Variants in PTK7 observed in about 807,000 individuals in gnomAD.
PTK7 encodes protein tyrosine kinase 7 (inactive), also known as inactive tyrosine-protein kinase 7.
PTK7 carries 39 observed loss-of-function variants against 116.6 expected under a neutral mutation model. The ratio of observed to expected loss-of-function variants is 0.33; its 90% CI spans 0.26 to 0.44. The LOEUF (loss-of-function observed/expected upper bound fraction) is 0.44, where lower values mean the gene tolerates loss of function less well. PTK7 is among the 20% of genes least tolerant of loss of function. The probability of loss-of-function intolerance (pLI) is 1.00; values close to 1 mark genes in which losing one functional copy is unlikely to be tolerated. For synonymous variants in PTK7, 546 were observed against 563.6 expected, an observed-to-expected ratio of 0.97 and a Z score of 0.44; for missense variants, 1,169 against 1,425.6, an observed-to-expected ratio of 0.82 and a Z score of 2.90.
intron 1 of PTK7, among the ~76,000 whole-genome samples, chr6:43,099,466 C>T (rs1159204297): frequency 6.6e-6 from 1 of 151,666 alleles, no homozygotes; most frequent in Non-Finnish European, 1.5e-5. Context: ...AACTCCTGAA[C>T]TCCAGCAGTC....
At chr6:43,121,093 C>T (rs942013605) in intron 1 of PTK7, among the ~76,000 whole-genome samples, 22 of 138,966 alleles carry the variant, frequency 1.6e-4, no homozygotes, top group Non-Finnish European at 3.0e-4. Flanking sequence ...GTTGCTCAGG[C>T]GGAACTCCTG....
At chr6:43,099,691 G>A (rs1767458588) in intron 1 of PTK7, among the ~76,000 whole-genome samples, 3 of 152,132 alleles carry the variant, frequency 2.0e-5, no homozygotes, top group Non-Finnish European at 2.9e-5. Flanking sequence ...ATTGTGATAG[G>A]AAAATATTTT....
intron 1 of PTK7, among the ~76,000 whole-genome samples, chr6:43,104,155 A>T (rs1767733914): frequency 6.6e-6 from 1 of 152,178 alleles, no homozygotes; most frequent in African/African-American, 2.4e-5. Context: ...ATCAGATCTT[A>T]TATTTCTGAT....
chr6:43,106,310 T>C (rs1202876291), intron 1 of PTK7, among the ~76,000 whole-genome samples: 2 of 152,166 alleles, frequency 1.3e-5, no homozygotes, highest in Non-Finnish European at 2.9e-5. Flanking sequence ...TTTTTGTTTT[T>C]GTTTGTTTGT....
intron 1 of PTK7, among the ~76,000 whole-genome samples, chr6:43,096,854 G>A (rs1767288774): frequency 7.3e-6 from 1 of 137,252 alleles, no homozygotes; most frequent in South Asian, 2.4e-4. Flanking sequence ...TGAATCATTT[G>A]CATTCATTAA....
At position 43,145,202 on chromosome 6, in the gene PTK7, A is replaced by G; in HGVS notation, c.2410A>G (p.Lys804Glu). The change falls in exon 16 of 20, where the codon AAG becomes GAG. Residue 804 changes from lysine (K) to glutamate (E), a missense_variant and splice_region_variant. By Grantham distance (56) the Lys-to-Glu change is moderately conservative (BLOSUM62 1). Coordinates refer to ENST00000230419, the MANE Select transcript of PTK7 (RefSeq NM_002821.5). This position sits in a 1 kb window ranked among gnomAD's most constrained non-coding sequence, Gnocchi z 4.8. ...GCTGACTCAGACTGTACCCACAGGG[A>G]AGAGTGAGTTTGGGGAGGTGTTCCT... is the stretch of plus-strand genomic sequence containing the variant. ...SSLQPITTLGKSEFGEVFLAK... is the reference protein window; with the variant it reads ...SSLQPITTLGESEFGEVFLAK... 1 of 1,604,990 alleles carries G rather than the reference A, an allele frequency of 6.2e-7. No homozygotes were observed. Among genetic ancestry groups the G allele is most frequent in the Non-Finnish European group, 8.5e-7 (1 of 1,175,054 alleles).
At chr6:43,120,635 G>C (rs572750423) in intron 1 of PTK7, among the ~76,000 whole-genome samples, 4 of 152,216 alleles carry the variant, frequency 2.6e-5, no homozygotes, top group Non-Finnish European at 4.4e-5. Context: ...GATGGTGAGT[G>C]GGGGAGATTC....
At chr6:43,095,311 G>A (rs937079268) in intron 1 of PTK7, among the ~76,000 whole-genome samples, 4 of 152,138 alleles carry the variant, frequency 2.6e-5, no homozygotes, top group South Asian at 2.1e-4. Context: ...GGCGGAGGTT[G>A]CAGTGAGCCA....
intron 1 of PTK7, among the ~76,000 whole-genome samples, chr6:43,102,549 AC>A (rs1310001123): frequency 1.3e-5 from 2 of 151,896 alleles, no homozygotes; most frequent in Non-Finnish European, 2.9e-5. Flanking sequence ...AGATCCTACC[AC>A]TGCATTCCAG....
intron 17 of PTK7, among the ~76,000 whole-genome samples, chr6:43,150,594 C>T (rs548963835): frequency 5.3e-5 from 8 of 152,114 alleles, no homozygotes; most frequent in East Asian, 1.9e-4. Flanking sequence ...GATGAGGGCA[C>T]GTTACCAAAA....
Position 43,076,882 on chromosome 6 carries a change from A to G in PTK7, c.79+315A>G, listed in dbSNP as rs73436429. The G allele has an allele frequency of 0.04, 59,644 of 1,498,348 alleles. 1,380 individuals are homozygous for G. Among genetic ancestry groups the G allele is most frequent in the African/African-American group, 0.082 (5,881 of 71,902 alleles). 92.8% of individuals were successfully genotyped at this position (1,498,348 alleles called of 1,614,324 possible). The stretch of plus-strand genomic sequence containing the variant: ...CCGAGAGTTGCTGGCTCTCGGGCCC[A>G]GATGGGGAGTTTCTTGTCGGGGGAG... On this transcript the variant is annotated intron_variant, in intron 1 of 19. Transcript: ENST00000230419. This position sits in a 1 kb window ranked among gnomAD's most constrained non-coding sequence, Gnocchi z 5.7.
chr6:43,154,138 G>C (rs1217740110), intron 17 of PTK7, among the ~76,000 whole-genome samples: 1 of 151,742 alleles, frequency 6.6e-6, no homozygotes, highest in Non-Finnish European at 1.5e-5. Context: ...ACTCCAGCCT[G>C]GGTGACAGAG....
At chr6:43,128,611 C>T (rs530611547) in intron 1 of PTK7, among the ~76,000 whole-genome samples, 29 of 152,164 alleles carry the variant, frequency 1.9e-4, no homozygotes, top group African/African-American at 7.0e-4. Flanking sequence ...ATGGCGAAAC[C>T]CTGTCTCTAC....
chr6:43,080,276 C>T (rs59329059), intron 1 of PTK7, among the ~76,000 whole-genome samples: 16,904 of 151,824 alleles, frequency 0.11, 1,618 homozygotes, highest in African/African-American at 0.26. Flanking sequence ...GGCGTGAACC[C>T]GGGAGGCAGA....
intron 17 of PTK7, among the ~76,000 whole-genome samples, chr6:43,152,177 A>G (rs1307477312): frequency 8.4e-6 from 1 of 118,504 alleles, no homozygotes; most frequent in Non-Finnish European, 1.6e-5. Context: ...AACCTTCCTC[A>G]CTGGTTACAC....
chr6:43,125,089 T>G (rs1265325749), intron 1 of PTK7, among the ~76,000 whole-genome samples: 1 of 152,088 alleles, frequency 6.6e-6, no homozygotes, highest in East Asian at 1.9e-4. Flanking sequence ...GGAGAATCGC[T>G]TGATCCCGGG....
intron 17 of PTK7, among the ~76,000 whole-genome samples, chr6:43,157,418 C>T (rs184299885): frequency 4.5e-4 from 57 of 127,798 alleles, no homozygotes; most frequent in African/African-American, 1.6e-3. Context: ...CTATGTTGCC[C>T]AGACTGGTCA....
intron 1 of PTK7, among the ~76,000 whole-genome samples, chr6:43,127,717 C>G (rs532367016): frequency 3.1e-4 from 47 of 152,186 alleles, no homozygotes; most frequent in Admixed American, 8.5e-4. Flanking sequence ...ATCACGAGGT[C>G]AGGAGATCGA....
chr6:43,076,875 C>A lies in PTK7; in HGVS notation c.79+308C>A. The A allele has an allele frequency of 6.7e-7, 1 of 1,486,404 alleles. No individual in the cohort carries two copies. Among genetic ancestry groups the A allele is most frequent in the Non-Finnish European group, 9.0e-7 (1 of 1,115,100 alleles). 92.1% of individuals were successfully genotyped at this position (1,486,404 alleles called of 1,614,324 possible). ...AGAACTGCCGAGAGTTGCTGGCTCT[C>A]GGGCCCAGATGGGGAGTTTCTTGTC... is the stretch of plus-strand genomic sequence containing the variant. On this transcript the variant is annotated intron_variant, in intron 1 of 19. Transcript: ENST00000230419. This position sits in a 1 kb window ranked among gnomAD's most constrained non-coding sequence, Gnocchi z 5.7.
Sources: allele counts gnomAD v4.1 joint callset (sites outside exome capture counted in the v4.1 genomes callset), GRCh38; gene constraint gnomAD v4.1.1; non-coding constraint Gnocchi (gnomAD v3.1); transcripts MANE v1.5; gene names NCBI Gene and HGNC (gene_info 2026-07-23, HGNC 2026-07-21).